TRDMT1: variants seen among roughly 807,000 people sequenced by gnomAD.
TRDMT1 encodes tRNA aspartic acid methyltransferase 1, also known as tRNA (cytosine(38)-C(5))-methyltransferase.
TRDMT1 carries 49 observed loss-of-function variants against 51.2 expected under a neutral mutation model. The ratio of observed to expected loss-of-function variants is 0.96; its 90% confidence interval spans 0.76 to 1.21. The LOEUF (loss-of-function observed/expected upper bound fraction) is 1.21, where lower values mean the gene tolerates loss of function less well. Ranked by LOEUF, TRDMT1 falls within the 50% of genes most tolerant of loss-of-function variation. TRDMT1 has a pLI of 0.00. For missense variants in TRDMT1, 534 were observed against 462.3 expected, an observed-to-expected ratio of 1.16 and a Z score of -1.42; for synonymous variants, 187 against 164.6, an observed-to-expected ratio of 1.14 and a Z score of -1.04.
chr10:17,168,733 G>A, intron 3 of TRDMT1, 108 bp downstream of exon 3: 1 of 734,692 alleles, frequency 1.4e-6, no homozygotes, highest in Non-Finnish European at 2.2e-6. Flanking sequence ...ACATGGAACT[G>A]TAAGTCTAGT....
In TRDMT1 at chr10:17,145,120, G is replaced by A. The variant is rs912150013; in HGVS notation, c.*3920C>T. 155 of 563,874 alleles carry A rather than the reference G, an allele frequency of 2.7e-4. No individual in the cohort carries two copies. Among genetic ancestry groups the A allele is most frequent in the African/African-American group, 4.7e-4 (23 of 49,210 alleles). The allele number at this position is 563,874 out of a possible 1,614,324, so 34.9% of individuals were successfully genotyped here. A position where few individuals can be genotyped will look rare whatever the true frequency, so the allele number is the denominator to read the frequency against. On this transcript the variant is annotated 3_prime_UTR_variant, in exon 11 of 11. Coordinates refer to ENST00000377799, the MANE Select transcript of TRDMT1 (RefSeq NM_004412.7). ...AAATTAGCTAGGTGTGGTGGCATGC[G>A]CCTGTAATCCCAGCTACTAGGGAGG...
At position 17,159,157 on chromosome 10, in the gene TRDMT1, C is replaced by T. The variant is rs1335510633; in HGVS notation, c.532G>A (p.Ala178Thr). Residue 178 changes from alanine to threonine, a missense_variant, in exon 7 of 11, where the codon GCC becomes ACC. By Grantham distance (58) the Ala-to-Thr change is moderately conservative. Transcript: ENST00000377799. The stretch of plus-strand genomic sequence containing the variant: ...TCCAATAATAATACCTGACCAGGGG[C>T]TTGAAAGGGTAATGGCTCTGACTGA... ...KLQSEPLPFQAPGQVLMEFPK... is the reference protein window; with the variant it reads ...KLQSEPLPFQTPGQVLMEFPK... The T allele has an allele frequency of 6.3e-7, 1 of 1,593,714 alleles. No individual in the cohort carries two copies. The highest frequency in any genetic ancestry group is 1.7e-5 in the Admixed American group (1 of 57,224).
chr10:17,161,417 C>T, intron 5 of TRDMT1, 66 bp downstream of exon 5: 1 of 1,170,248 alleles, frequency 8.5e-7, no homozygotes, highest in Non-Finnish European at 1.1e-6. Flanking sequence ...ATTTTTATTT[C>T]ACAACAGTTC....
At chr10:17,174,508 T>G (rs1842407450) in intron 2 of TRDMT1, 43 bp downstream of exon 2, 1 of 1,368,608 alleles carries the variant, frequency 7.3e-7, no homozygotes, top group Non-Finnish European at 1.0e-6. Flanking sequence ...TTCAATCACA[T>G]TTCCCTTGCT....
intron 4 of TRDMT1, among the ~76,000 whole-genome samples, 175 bp from the exon 5 acceptor site, chr10:17,161,723 C>T (rs1210851685): frequency 6.6e-6 from 1 of 152,198 alleles, no homozygotes; most frequent in Non-Finnish European, 1.5e-5. Context: ...TTAAACACAG[C>T]ACACTTGATA....
At chr10:17,157,847 A>C in intron 7 of TRDMT1, 63 bp from the exon 8 acceptor site, 1 of 1,282,182 alleles carries the variant, frequency 7.8e-7, no homozygotes, top group Non-Finnish European at 1.1e-6. Context: ...GAAATTAACA[A>C]TGTCCAGTCA....
rs1160387097 is a variant in TRDMT1, at chr10:17,139,600, T to C, written c.*9440A>G. On this transcript the variant is annotated 3_prime_UTR_variant, in exon 11 of 11. Coordinates refer to ENST00000377799, the MANE Select transcript of TRDMT1 (RefSeq NM_004412.7). ...CAGACTCTGCCTCTTGTACCTTTAA[T>C]TGGGAAGATAGACGCAGAAGCAGTA... is the stretch of plus-strand genomic sequence containing the variant. Among the ~76,000 whole-genome samples, 3 of 152,188 alleles carry C rather than the reference T, an allele frequency of 2.0e-5. No homozygotes were observed. The highest frequency in any genetic ancestry group is 1.3e-4 in the Admixed American group (2 of 15,282).
Position 17,139,110 on chromosome 10 carries a change from T to A in TRDMT1, c.*9930A>T. Reference sequence around the variant, plus strand: ...CGGAATGGGGACTTCAGCAGCTCCATTGGATTAATCCAAGCTTGGTTTCCA... The same window carrying A: ...CGGAATGGGGACTTCAGCAGCTCCAATGGATTAATCCAAGCTTGGTTTCCA... On this transcript the variant is annotated 3_prime_UTR_variant, in exon 11 of 11. Coordinates refer to ENST00000377799, the MANE Select transcript of TRDMT1 (RefSeq NM_004412.7). 1.1e-6 allele frequency: 1 copy of A among 933,700 alleles called. No individual in the cohort carries two copies. Among genetic ancestry groups the A allele is most frequent in the Non-Finnish European group, 1.3e-6 (1 of 782,600 alleles). The allele number at this position is 933,700 out of a possible 1,614,324, so 57.8% of individuals were successfully genotyped here.
At chr10:17,186,695 T>C (rs1006937119) in intron 1 of TRDMT1, among the ~76,000 whole-genome samples, 4 of 152,162 alleles carry the variant, frequency 2.6e-5, no homozygotes, top group East Asian at 3.8e-4. Flanking sequence ...ACATAGATAA[T>C]AATTAGAGAT....
rs1428760428 is a variant in TRDMT1, at chr10:17,144,818, T to C, written c.*4222A>G. 7.1e-6 allele frequency: 7 copies of C among 985,340 alleles called. No homozygotes were observed. Among genetic ancestry groups the C allele is most frequent in the Non-Finnish European group, 8.4e-6 (7 of 829,872 alleles). The allele number at this position is 985,340 out of a possible 1,614,324, so 61.0% of individuals were successfully genotyped here. A position where few individuals can be genotyped will look rare whatever the true frequency, so the allele number is the denominator to read the frequency against. On this transcript the variant is annotated 3_prime_UTR_variant, in exon 11 of 11. Transcript: ENST00000377799. ...CAACAACAAAAAATACTTTTTCTTT[T>C]TTTTTTTAAACTGAAGCTTTAAAAT...
rs902082553 is a variant in TRDMT1, at chr10:17,151,397, C to T, written c.1075+2110G>A. 12 of 981,914 alleles carry T rather than the reference C, an allele frequency of 1.2e-5. No homozygotes were observed. In the African/African-American group the frequency reaches 2.1e-4, roughly 17 times the overall value. The allele number at this position is 981,914 out of a possible 1,614,324, so 60.8% of individuals were successfully genotyped here. On this transcript the variant is annotated intron_variant, in intron 10 of 10. Coordinates refer to ENST00000377799, the MANE Select transcript of TRDMT1 (RefSeq NM_004412.7). Reference sequence around the variant, plus strand: ...AAAGCCCGCTACCGCAGAATACACACCACCAGTCACAGAACCAGGACAGAG... The same window carrying T: ...AAAGCCCGCTACCGCAGAATACACATCACCAGTCACAGAACCAGGACAGAG...
At position 17,201,212 on chromosome 10, in the gene TRDMT1, A is replaced by G. The variant is rs181738225; in HGVS notation, c.64+359T>C. 597 of 227,556 alleles carry G rather than the reference A, an allele frequency of 2.6e-3. 3 individuals are homozygous for G. The highest frequency in any genetic ancestry group is 0.013 in the African/African-American group (553 of 43,242). 14.1% of individuals were successfully genotyped at this position (227,556 alleles called of 1,614,324 possible). A position where few individuals can be genotyped will look rare whatever the true frequency, so the allele number is the denominator to read the frequency against. ...CCCCAGGATGAAGGACCGAGTCTCCATGCTTCTCGGTGGCTGCACACTTAG... is the reference window on the plus strand; with the variant it reads ...CCCCAGGATGAAGGACCGAGTCTCCGTGCTTCTCGGTGGCTGCACACTTAG... On this transcript the variant is annotated intron_variant, in intron 1 of 10. Coordinates refer to ENST00000377799, the MANE Select transcript of TRDMT1 (RefSeq NM_004412.7).
chr10:17,178,085 A>T lies in TRDMT1; in HGVS notation c.65-3425T>A, dbSNP rs904560185. 3.3e-5 allele frequency among the ~76,000 whole-genome samples: 5 copies of T among 152,226 alleles called. No individual in the cohort carries two copies. In the East Asian group the frequency reaches 9.6e-4, roughly 29 times the overall value. Reference sequence around the variant, plus strand: ...CTTTGAAATAAGGAAAGAAATTTTTAAAATTCTATTCCTTCTTTATTATTT... The same window carrying T: ...CTTTGAAATAAGGAAAGAAATTTTTTAAATTCTATTCCTTCTTTATTATTT... On this transcript the variant is annotated intron_variant, in intron 1 of 10. Transcript: ENST00000377799.
chr10:17,151,646 C>T (rs754428173), intron 10 of TRDMT1: 33 of 968,546 alleles, frequency 3.4e-5, no homozygotes, highest in Non-Finnish European at 4.1e-5. Context: ...AAGTATTATA[C>T]ATATATATTC....
At chr10:17,194,949 CAA>C (rs1157484978) in intron 1 of TRDMT1, among the ~76,000 whole-genome samples, 13,811 of 84,964 alleles carry the variant, frequency 0.16, 745 homozygotes, top group Non-Finnish European at 0.22. Flanking sequence ...AAAAAAAAGT[CAA>C]AAAAAAAAAA....
rs1564541719 is a variant in TRDMT1 at position 17,144,970 on chromosome 10, G to A, written c.*4070C>T. On this transcript the variant is annotated 3_prime_UTR_variant, in exon 11 of 11. Coordinates refer to ENST00000377799, the MANE Select transcript of TRDMT1 (RefSeq NM_004412.7). ...TTTAAAAAACATGCAAAGGGAGGCT[G>A]GGCGTGGTGGCTCATGCCTGTAAAA... 1 of 985,336 alleles carries A rather than the reference G, an allele frequency of 1.0e-6. No individual in the cohort carries two copies. The highest frequency in any genetic ancestry group is 1.2e-6 in the Non-Finnish European group (1 of 829,910). 61.0% of individuals were successfully genotyped at this position (985,336 alleles called of 1,614,324 possible).
At chr10:17,162,298 T>TA (rs1439669258) in intron 3 of TRDMT1, 61 bp from the exon 4 acceptor site, 4 of 1,455,646 alleles carry the variant, frequency 2.7e-6, no homozygotes, top group South Asian at 2.5e-5. Flanking sequence ...AAGAATCTGA[T>TA]AAAAAGATGT....
chr10:17,162,054 C>G (rs1840433815), intron 4 of TRDMT1, 112 bp downstream of exon 4: 1 of 895,214 alleles, frequency 1.1e-6, no homozygotes, highest in Admixed American at 2.3e-5. Flanking sequence ...GGCCCAATAT[C>G]TCAAGGGAGC....
chr10:17,178,444 G>A (rs895740582), intron 1 of TRDMT1, among the ~76,000 whole-genome samples: 2 of 152,130 alleles, frequency 1.3e-5, no homozygotes, highest in South Asian at 2.1e-4. Flanking sequence ...GGGAAGCCAA[G>A]GAGGGCACAC....
Sources: allele counts gnomAD v4.1 joint callset (sites outside exome capture counted in the v4.1 genomes callset), GRCh38; gene constraint gnomAD v4.1.1; transcripts MANE v1.5; gene names NCBI Gene and HGNC (gene_info 2026-07-23, HGNC 2026-07-21).